Variants in KATNAL1 observed in about 807,000 individuals in gnomAD.
KATNAL1 encodes the protein katanin p60 ATPase-containing subunit A-like 1.
Under a neutral mutation model 55.2 loss-of-function variants are expected in KATNAL1, and 32 were observed. The ratio of observed to expected loss-of-function variants is 0.58; its 90% CI spans 0.44 to 0.78. The LOEUF is 0.78. KATNAL1 is among the 30% of genes least tolerant of loss of function. The probability of loss-of-function intolerance (pLI) is 0.00; values close to 1 mark genes in which losing one functional copy is unlikely to be tolerated. For missense variants in KATNAL1, 466 were observed against 600.9 expected, an observed-to-expected ratio of 0.78 and a Z score of 2.35; for synonymous variants, 193 against 193.6, an observed-to-expected ratio of 1.00 and a Z score of 0.02.
At chr13:30,243,608 C>CAAAAAAAAAAAAAAAAAAA (rs139687662) in intron 4 of KATNAL1, among the ~76,000 whole-genome samples, 1 of 86,466 alleles carries the variant, frequency 1.2e-5, no homozygotes, top group Non-Finnish European at 2.2e-5. Flanking sequence ...GGTATTAAGC[C>CAAAAAAAAAAAAAAAAAAA]AAAAAAAAAA....
Position 30,287,150 on chromosome 13 carries a change from T to C in KATNAL1, c.-14-3359A>G, listed in dbSNP as rs1881843878. ...ATGGGTTAAGACTTTGGGGGACGGT[T>C]GGAAAGGAATGATTTGCAATGTGAG... On this transcript the variant is annotated intron_variant, in intron 1 of 10. Transcript: ENST00000380615. Among the ~76,000 whole-genome samples the C allele has an allele frequency of 2.6e-5, 4 of 152,112 alleles. 1 individual carries two copies. The South Asian group carries it at 8.3e-4, about 32-fold the overall frequency.
At chr13:30,256,528 GCCATATCTATTATTAT>G (rs1878804439) in intron 3 of KATNAL1, among the ~76,000 whole-genome samples, 1 of 151,998 alleles carries the variant, frequency 6.6e-6, no homozygotes, top group South Asian at 2.1e-4. Flanking sequence ...TTAACCACAT[GCCATATCTATTATTAT>G]CCCCTTTCCA....
At chr13:30,223,214 C>A (rs140216013) in intron 9 of KATNAL1, among the ~76,000 whole-genome samples, 8,949 of 150,494 alleles carry the variant, frequency 0.059, 364 homozygotes, top group Admixed American at 0.082. Context: ...CCAAGGCGGG[C>A]GGATCACAAG....
At chr13:30,215,331 C>T (rs60564549) in intron 9 of KATNAL1, among the ~76,000 whole-genome samples, 1,958 of 152,178 alleles carry the variant, frequency 0.013, 40 homozygotes, top group African/African-American at 0.044. Flanking sequence ...TTGATGGGAC[C>T]GTAAACTAGT....
At chr13:30,261,245 T>C (rs1322750799) in intron 3 of KATNAL1, among the ~76,000 whole-genome samples, 1 of 151,964 alleles carries the variant, frequency 6.6e-6, no homozygotes, top group Non-Finnish European at 1.5e-5. Context: ...GAACAACCGA[T>C]ACCAGCCGCT....
intron 1 of KATNAL1, chr13:30,296,672 T>C (rs1400344038): frequency 7.6e-6 from 5 of 659,004 alleles, no homozygotes; most frequent in Admixed American, 3.8e-5. Flanking sequence ...GCTGGAAGCT[T>C]GGCAGTGACA....
At chr13:30,214,426 A>G (rs910463235) in intron 9 of KATNAL1, among the ~76,000 whole-genome samples, 25 of 152,170 alleles carry the variant, frequency 1.6e-4, no homozygotes, top group African/African-American at 4.8e-4. Flanking sequence ...AAACTACTTT[A>G]AAGTTCATAT....
intron 1 of KATNAL1, among the ~76,000 whole-genome samples, chr13:30,306,478 T>A (rs1185039070): frequency 6.6e-6 from 1 of 152,140 alleles, no homozygotes; most frequent in Non-Finnish European, 1.5e-5. Context: ...GGAGCACTCA[T>A]TTCACAACCT....
intron 6 of KATNAL1, 106 bp downstream of exon 6, chr13:30,240,354 A>T (rs1398397519): frequency 6.6e-6 from 5 of 762,436 alleles, no homozygotes; most frequent in Admixed American, 2.4e-5. Context: ...AACTTCTCCC[A>T]ACCTTTTCAA....
intron 9 of KATNAL1, among the ~76,000 whole-genome samples, chr13:30,220,913 G>A (rs189055803): frequency 6.8e-6 from 1 of 147,438 alleles, no homozygotes; most frequent in African/African-American, 2.5e-5. Flanking sequence ...CGGTCAGGCT[G>A]GTCTCAAACT....
intron 9 of KATNAL1, among the ~76,000 whole-genome samples, chr13:30,218,832 C>T (rs550249311): frequency 1.3e-5 from 2 of 152,148 alleles, no homozygotes; most frequent in East Asian, 3.8e-4. Flanking sequence ...GAGTCACCCC[C>T]AACCACGACC....
At chr13:30,258,538 T>C (rs963025171) in intron 3 of KATNAL1, among the ~76,000 whole-genome samples, 1 of 152,222 alleles carries the variant, frequency 6.6e-6, no homozygotes, top group African/African-American at 2.4e-5. Flanking sequence ...TAATGGTATC[T>C]TTCTTGATAA....
At chr13:30,242,747 G>A (rs1877404107) in intron 4 of KATNAL1, among the ~76,000 whole-genome samples, 1 of 152,002 alleles carries the variant, frequency 6.6e-6, no homozygotes, top group African/African-American at 2.4e-5. Flanking sequence ...TGACCTGCCC[G>A]AGAACCCAAA....
At chr13:30,271,749 C>T (rs955379191) in intron 3 of KATNAL1, among the ~76,000 whole-genome samples, 4 of 152,022 alleles carry the variant, frequency 2.6e-5, no homozygotes, top group Non-Finnish European at 4.4e-5. Context: ...GCAAAGAAAA[C>T]ATGAGCTCCT....
chr13:30,260,041 GCCT>G (rs528523485), intron 3 of KATNAL1, among the ~76,000 whole-genome samples: 10 of 152,332 alleles, frequency 6.6e-5, no homozygotes, highest in East Asian at 1.9e-4. Flanking sequence ...CAGGCAGACT[GCCT>G]CCTCAAGTGG....
chr13:30,237,904 T>C (rs1876852884), intron 6 of KATNAL1, among the ~76,000 whole-genome samples: 1 of 152,214 alleles, frequency 6.6e-6, no homozygotes, highest in Admixed American at 6.5e-5. Flanking sequence ...TCTTGACACA[T>C]ATATTACATC....
intron 9 of KATNAL1, among the ~76,000 whole-genome samples, chr13:30,213,597 T>C (rs1181314956): frequency 3.9e-5 from 6 of 152,200 alleles, no homozygotes; most frequent in Non-Finnish European, 7.3e-5. Context: ...GCTTCAACCC[T>C]GGGATGCAAG....
intron 3 of KATNAL1, among the ~76,000 whole-genome samples, chr13:30,263,383 G>A (rs1162036544): frequency 6.6e-6 from 1 of 151,344 alleles, no homozygotes; most frequent in African/African-American, 2.4e-5. Context: ...AATTAGGCAG[G>A]AGAAGGAAAT....
intron 9 of KATNAL1, among the ~76,000 whole-genome samples, chr13:30,219,958 T>C (rs541610710): frequency 5.8e-4 from 89 of 152,324 alleles, no homozygotes; most frequent in African/African-American, 2.0e-3. Context: ...CTTGCTGTCA[T>C]CAATTATTTT....
Sources: allele counts gnomAD v4.1 joint callset (sites outside exome capture counted in the v4.1 genomes callset), GRCh38; gene constraint gnomAD v4.1.1; transcripts MANE v1.5; gene names NCBI Gene and HGNC (gene_info 2026-07-23, HGNC 2026-07-21).